The following ARHGEF3 variants were observed in gnomAD, a reference collection of about 807,000 sequenced individuals.
ARHGEF3 encodes the protein 59.8 kDA protein.
ARHGEF3 carries 28 observed loss-of-function variants against 63.2 expected under a neutral mutation model. The observed-to-expected ratio is 0.44, with a 90% CI of 0.33 to 0.61. The LOEUF (loss-of-function observed/expected upper bound fraction) is 0.61. Ranked by LOEUF, ARHGEF3 falls within the 20% of genes least tolerant of loss-of-function variation. ARHGEF3 has a pLI of 0.03. For synonymous variants in ARHGEF3, 266 were observed against 254.2 expected (o/e 1.05, Z -0.44); for missense variants, 533 against 659.3 (o/e 0.81, Z 2.10).
In ARHGEF3 at chr3:56,958,782, T is replaced by G. The variant is rs770384109; in HGVS notation, c.129+41A>C. The G allele has an allele frequency of 5.3e-6, 8 of 1,522,638 alleles. No homozygotes were observed. The African/African-American group carries it at 9.7e-5, about 18-fold the overall frequency. 94.3% of individuals were successfully genotyped at this position (1,522,638 alleles called of 1,614,324 possible). ...TGGAGGCCAGAGCATGTATCCATAA[T>G]AGGACATTTAACAGCAGGGGCTACC... On this transcript the variant is annotated intron_variant, in intron 3 of 12. Transcript: ENST00000338458.
At chr3:56,730,021 A>G (rs2033018353) in intron 9 of ARHGEF3, among the ~76,000 whole-genome samples, 1 of 152,200 alleles carries the variant, frequency 6.6e-6, no homozygotes, top group African/African-American at 2.4e-5. Context: ...GGATTTTGAG[A>G]TCAGCCTGAG....
chr3:57,001,169 G>A (rs1702177602), intron 2 of ARHGEF3, among the ~76,000 whole-genome samples: 1 of 152,000 alleles, frequency 6.6e-6, no homozygotes, highest in Non-Finnish European at 1.5e-5. Flanking sequence ...TGAACCCCTG[G>A]CCTCAAGCAA....
intron 2 of ARHGEF3, among the ~76,000 whole-genome samples, chr3:57,002,478 G>A (rs1218071158): frequency 0.07 from 922 of 13,216 alleles, 87 homozygotes; most frequent in East Asian, 0.35. Flanking sequence ...ATATATATAT[G>A]TTATATATAT....
At chr3:57,031,910 T>G (rs1435232195) in intron 2 of ARHGEF3, among the ~76,000 whole-genome samples, 1 of 152,168 alleles carries the variant, frequency 6.6e-6, no homozygotes, top group Non-Finnish European at 1.5e-5. Context: ...AAAACTGTAA[T>G]GCAGAGTTAA....
chr3:56,853,912 T>C (rs1260002601), intron 4 of ARHGEF3, among the ~76,000 whole-genome samples: 7 of 151,960 alleles, frequency 4.6e-5, no homozygotes, highest in East Asian at 1.9e-4. Flanking sequence ...AGAAAGACAA[T>C]TGGCCAGGCG....
At chr3:56,877,719 T>G (rs1011133429) in intron 4 of ARHGEF3, among the ~76,000 whole-genome samples, 2 of 152,164 alleles carry the variant, frequency 1.3e-5, no homozygotes, top group African/African-American at 4.8e-5. Flanking sequence ...AAAAGCTGGT[T>G]AAAAATATAT....
intron 4 of ARHGEF3, among the ~76,000 whole-genome samples, chr3:56,877,519 G>C (rs1361157539): frequency 6.6e-6 from 1 of 151,838 alleles, no homozygotes. Context: ...CTACAGCCAT[G>C]CATCACCATA....
chr3:56,737,126 C>A lies in ARHGEF3; in HGVS notation c.1041+59G>T, dbSNP rs2033675911. On this transcript the variant is annotated intron_variant, in intron 8 of 9. Coordinates refer to ENST00000296315, the MANE Select transcript of ARHGEF3 (RefSeq NM_019555.3). ...AGAAATTCTAAGAGGAGGCTCCACACCAAATGAATTAGGGATACGGGAGGC... is the reference window on the plus strand; with the variant it reads ...AGAAATTCTAAGAGGAGGCTCCACAACAAATGAATTAGGGATACGGGAGGC... 5.4e-6 allele frequency: 8 copies of A among 1,473,838 alleles called. No homozygotes were observed. The South Asian group carries it at 9.4e-5, about 17-fold the overall frequency. The allele number at this position is 1,473,838 out of a possible 1,614,324, so 91.3% of individuals were successfully genotyped here. A position where few individuals can be genotyped will look rare whatever the true frequency, so the allele number is the denominator to read the frequency against.
intron 2 of ARHGEF3, among the ~76,000 whole-genome samples, chr3:56,998,160 G>C (rs1053389984): frequency 1.3e-5 from 2 of 152,100 alleles, no homozygotes; most frequent in African/African-American, 4.8e-5. Flanking sequence ...TTCCTGCATA[G>C]AGACAATTGA....
At chr3:56,732,843 C>G (rs971418367) in intron 8 of ARHGEF3, among the ~76,000 whole-genome samples, 2 of 152,190 alleles carry the variant, frequency 1.3e-5, no homozygotes, top group Non-Finnish European at 2.9e-5. Flanking sequence ...GTTTATATTA[C>G]TCAATATAAT....
At chr3:56,741,496 CTTTTTTTTTTTTTTTTT>C (rs71072191) in intron 7 of ARHGEF3, among the ~76,000 whole-genome samples, 1 of 50,536 alleles carries the variant, frequency 2.0e-5, no homozygotes, top group Non-Finnish European at 3.5e-5. Flanking sequence ...TACATTGGTT[CTTTTTTTTTTTTTTTTT>C]TTTTTTTTTT....
intron 6 of ARHGEF3, among the ~76,000 whole-genome samples, chr3:56,746,692 T>G (rs2034409995): frequency 6.6e-6 from 1 of 151,948 alleles, no homozygotes. Flanking sequence ...ATCATGCCAC[T>G]GCTCTCCAGC....
chr3:56,750,955 G>GT (rs2034703888), intron 6 of ARHGEF3, 101 bp downstream of exon 6: 1 of 860,696 alleles, frequency 1.2e-6, no homozygotes. Context: ...ACCAACATTT[G>GT]TAAAAAAATA....
chr3:56,854,061 G>A (rs2039779015), intron 4 of ARHGEF3, among the ~76,000 whole-genome samples: 1 of 152,182 alleles, frequency 6.6e-6, no homozygotes, highest in Non-Finnish European at 1.5e-5. Context: ...CGGGTGTGGT[G>A]GCAGGCGCCT....
chr3:56,734,304 A>G (rs2033446961), intron 8 of ARHGEF3, among the ~76,000 whole-genome samples: 1 of 152,202 alleles, frequency 6.6e-6, no homozygotes, highest in African/African-American at 2.4e-5. Context: ...GGGAATGTCA[A>G]TCCAGCAGTC....
At chr3:56,832,476 C>T (rs1488804389) in intron 4 of ARHGEF3, among the ~76,000 whole-genome samples, 1 of 152,066 alleles carries the variant, frequency 6.6e-6, no homozygotes, top group Admixed American at 6.6e-5. Flanking sequence ...TAGCTAACAT[C>T]TCCTCTTCCC....
At chr3:57,057,159 T>C (rs2107327806) in intron 1 of ARHGEF3, among the ~76,000 whole-genome samples, 1 of 152,296 alleles carries the variant, frequency 6.6e-6, no homozygotes, top group African/African-American at 2.4e-5. Context: ...TTGCTCAGGC[T>C]GGGGTGCAGC....
intron 2 of ARHGEF3, among the ~76,000 whole-genome samples, chr3:57,027,376 C>G (rs2107189285): frequency 3.3e-5 from 5 of 152,348 alleles, no homozygotes; most frequent in African/African-American, 1.2e-4. Flanking sequence ...AATGCCCACC[C>G]TTCCACACCT....
chr3:56,982,976 C>G (rs981130223), intron 2 of ARHGEF3, among the ~76,000 whole-genome samples: 1 of 152,186 alleles, frequency 6.6e-6, no homozygotes, highest in Non-Finnish European at 1.5e-5. Context: ...CTTCCTTCTT[C>G]TTTCCTGCTT....
Sources: gnomAD v4.1 joint callset for allele counts (sites outside exome capture counted in the v4.1 genomes callset) on GRCh38, gnomAD v4.1.1 for gene constraint, MANE v1.5 for transcripts, NCBI Gene and HGNC (gene_info 2026-07-23, HGNC 2026-07-21) for gene names.